Variants in FILIP1L observed in about 807,000 individuals in gnomAD.
The protein encoded by FILIP1L is filamin A interacting protein 1 like.
FILIP1L carries 55 observed loss-of-function variants against 96.6 expected under a neutral mutation model. The observed-to-expected ratio is 0.57, with a 90% CI of 0.46 to 0.71. FILIP1L has a LOEUF of 0.71. FILIP1L is among the 30% of genes least tolerant of loss of function. The pLI, the probability that FILIP1L is intolerant of heterozygous loss-of-function variation, is 0.00. For missense variants in FILIP1L, 1,304 were observed against 1,321.2 expected (o/e 0.99, Z 0.20); for synonymous variants, 467 against 473.9 (o/e 0.99, Z 0.19).
At chr3:100,005,263 G>C (rs949989665) in intron 1 of FILIP1L, among the ~76,000 whole-genome samples, 8 of 152,190 alleles carry the variant, frequency 5.3e-5, no homozygotes. Flanking sequence ...TGCTCACTTT[G>C]TGTTTTTGGC....
At chr3:100,024,268 AT>A (rs1374915230) in intron 1 of FILIP1L, among the ~76,000 whole-genome samples, 1 of 151,888 alleles carries the variant, frequency 6.6e-6, no homozygotes, top group Non-Finnish European at 1.5e-5. Flanking sequence ...CTTTTCTTTG[AT>A]TATAGGTTTG....
intron 5 of FILIP1L, among the ~76,000 whole-genome samples, chr3:99,834,569 A>G (rs1291797470): frequency 6.6e-6 from 1 of 152,238 alleles, no homozygotes; most frequent in Non-Finnish European, 1.5e-5. Flanking sequence ...AAAATAAAAT[A>G]TACTAACCTT....
chr3:99,963,169 A>G (rs545214831), intron 1 of FILIP1L, among the ~76,000 whole-genome samples: 14 of 152,352 alleles, frequency 9.2e-5, no homozygotes, highest in Admixed American at 5.9e-4. Context: ...TCTTACTCTT[A>G]GGGAAACCTT....
chr3:100,099,206 G>A (rs760671625), intron 1 of FILIP1L, among the ~76,000 whole-genome samples: 2 of 152,154 alleles, frequency 1.3e-5, no homozygotes, highest in African/African-American at 2.4e-5. Context: ...TTGACTTAAT[G>A]TAGGTAATAG....
rs1356216005 is a variant in FILIP1L, at chr3:99,848,824, T to G, written c.2852A>C (p.Asn951Thr). The G allele has an allele frequency of 6.2e-7, 1 of 1,613,980 alleles. No individual in the cohort carries two copies. Among genetic ancestry groups the G allele is most frequent in the Non-Finnish European group, 8.5e-7 (1 of 1,179,948 alleles). ...GGACTTTACTGGTGTTATGGAGGCG[T>G]TTTGGAGGATGGTTATCCTTTGCTT... ...TPKQRITILQ[N>T]ASITPVKSKT... is the part of the protein sequence containing the mutation. The change falls in exon 5 of 6, where the codon AAC (asparagine) becomes ACC (threonine). Residue 951 changes from asparagine (N) to threonine (T), a missense_variant. By Grantham distance (65) the Asn-to-Thr change is moderately conservative. Coordinates refer to ENST00000477258, the MANE Select transcript of FILIP1L (RefSeq NM_001387850.1).
At chr3:100,108,618 G>C (rs1224378745) in intron 1 of FILIP1L, among the ~76,000 whole-genome samples, 1 of 152,176 alleles carries the variant, frequency 6.6e-6, no homozygotes, top group Non-Finnish European at 1.5e-5. Context: ...CTGTATTCTA[G>C]TGGTTGGGCA....
intron 4 of FILIP1L, among the ~76,000 whole-genome samples, chr3:99,860,897 C>T (rs1490688300): frequency 6.6e-6 from 1 of 152,102 alleles, no homozygotes; most frequent in East Asian, 1.9e-4. Flanking sequence ...TTGTGCCTCT[C>T]CTATCACTCT....
In FILIP1L at chr3:99,899,025, C is replaced by T. The variant is rs993432957; in HGVS notation, c.605+25205G>A. ...ACCTGAGAAGGCTGGAACACACATA[C>T]TGAAAAAAAAATGTGGTTATTCCTC... On this transcript the variant is annotated intron_variant, in intron 4 of 5. Transcript: ENST00000477258. Among the ~76,000 whole-genome samples the T allele has an allele frequency of 5.9e-5, 9 of 151,922 alleles. No individual in the cohort carries two copies. The East Asian group carries it at 1.7e-3, about 29-fold the overall frequency.
intron 1 of FILIP1L, chr3:100,051,202 TA>T (rs2065366007): frequency 6.6e-6 from 1 of 152,180 alleles, no homozygotes; most frequent in South Asian, 2.1e-4. Flanking sequence ...TCCAGCTTCT[TA>T]TTTTTTCCGA....
chr3:100,098,536 A>G lies in FILIP1L; in HGVS notation c.-11+15517T>C, dbSNP rs79990752. Among the ~76,000 whole-genome samples, 1,003 of 152,320 alleles carry G rather than the reference A, an allele frequency of 6.6e-3. 15 individuals are homozygous for G. The highest frequency in any genetic ancestry group is 0.023 in the African/African-American group (949 of 41,564). Reference sequence around the variant, plus strand: ...TTGTTAGCTATAATTGACTGACTCTATAAGTTTTATTTGTATTATTCATAA... The same window carrying G: ...TTGTTAGCTATAATTGACTGACTCTGTAAGTTTTATTTGTATTATTCATAA... On this transcript the variant is annotated intron_variant, in intron 1 of 5. Coordinates refer to ENST00000477258, the MANE Select transcript of FILIP1L (RefSeq NM_001387850.1).
intron 1 of FILIP1L, among the ~76,000 whole-genome samples, chr3:100,080,323 G>GA (rs36071813): frequency 6.0e-5 from 9 of 150,926 alleles, no homozygotes; most frequent in East Asian, 1.9e-4. Flanking sequence ...CTAAGAGGGG[G>GA]AAAAAAAAAT....
intron 1 of FILIP1L, among the ~76,000 whole-genome samples, chr3:99,935,839 G>A (rs925478176): frequency 1.3e-5 from 2 of 152,124 alleles, no homozygotes; most frequent in Non-Finnish European, 2.9e-5. Context: ...TGAAATCATG[G>A]TGTATCTTGG....
chr3:100,000,815 A>G (rs1432042422), intron 1 of FILIP1L, among the ~76,000 whole-genome samples: 1 of 152,262 alleles, frequency 6.6e-6, no homozygotes, highest in East Asian at 1.9e-4. Flanking sequence ...GTGTACACAA[A>G]TAACATACAG....
At chr3:99,984,762 G>T (rs757423423) in intron 1 of FILIP1L, among the ~76,000 whole-genome samples, 1 of 152,156 alleles carries the variant, frequency 6.6e-6, no homozygotes, top group Non-Finnish European at 1.5e-5. Flanking sequence ...TCAGAATTCT[G>T]CCTGGTTGAG....
intron 4 of FILIP1L, among the ~76,000 whole-genome samples, chr3:99,893,322 C>T (rs749705183): frequency 1.3e-5 from 2 of 151,940 alleles, no homozygotes; most frequent in Non-Finnish European, 2.9e-5. Context: ...CCTGCCACCA[C>T]GCCCGGCTAA....
intron 4 of FILIP1L, among the ~76,000 whole-genome samples, chr3:99,902,149 A>G (rs772267183): frequency 6.6e-6 from 1 of 152,188 alleles, no homozygotes; most frequent in South Asian, 2.1e-4. Flanking sequence ...TATATTAGAC[A>G]TTTGTGGAGG....
At chr3:99,951,305 A>G (rs958580127) in intron 1 of FILIP1L, among the ~76,000 whole-genome samples, 1 of 152,140 alleles carries the variant, frequency 6.6e-6, no homozygotes, top group African/African-American at 2.4e-5. Context: ...TAGCTATTTT[A>G]CTTACATCTA....
In FILIP1L at chr3:99,850,365, G is replaced by A. The variant is rs746050062; in HGVS notation, c.1311C>T (p.Ser437=). 6.2e-7 allele frequency: 1 copy of A among 1,612,616 alleles called. No homozygotes were observed. The highest frequency in any genetic ancestry group is 1.1e-5 in the South Asian group (1 of 90,690). ...LEKLEDAFNK[S]KQECYSLKCN... ...ATTTCAGAGAGTAGCATTCTTGTTT[G>A]CTTTTGTTGAAAGCGTCTTCTAACT... Residue 437 remains serine, a synonymous_variant, in exon 5 of 6, where the codon AGC becomes AGT. Transcript: ENST00000477258.
intron 1 of FILIP1L, among the ~76,000 whole-genome samples, chr3:99,971,108 C>A (rs554283365): frequency 1.3e-5 from 2 of 152,070 alleles, no homozygotes; most frequent in Non-Finnish European, 2.9e-5. Flanking sequence ...GAGGCCAAGG[C>A]GGGCGGATCA....
Sources: allele counts gnomAD v4.1 joint callset (sites outside exome capture counted in the v4.1 genomes callset), GRCh38; gene constraint gnomAD v4.1.1; transcripts MANE v1.5; gene names NCBI Gene and HGNC (gene_info 2026-07-23, HGNC 2026-07-21).